Variants in NREP observed in about 807,000 individuals in gnomAD.
NREP encodes the protein neuronal regeneration related protein, also known as neuronal regeneration-related protein.
NREP carries 5 observed loss-of-function variants against 8.6 expected under a neutral mutation model. The observed-to-expected ratio is 0.58, with a 90% CI of 0.30 to 1.22. NREP has a LOEUF of 1.22. NREP is among the 50% of genes most tolerant of loss of function. The pLI is 0.07. For missense variants in NREP, 86 were observed against 82.5 expected (o/e 1.04, Z -0.17); for synonymous variants, 27 against 28.0 (o/e 0.96, Z 0.11).
At chr5:111,818,337 C>T (rs1752439767) in intron 2 of NREP, among the ~76,000 whole-genome samples, 1 of 152,102 alleles carries the variant, frequency 6.6e-6, no homozygotes, top group African/African-American at 2.4e-5. Flanking sequence ...CAAAAAGAAA[C>T]TTTAAAAAAT....
chr5:111,745,362 ATTAAG>A (rs1443001674), intron 2 of NREP, among the ~76,000 whole-genome samples: 1 of 152,220 alleles, frequency 6.6e-6, no homozygotes, highest in African/African-American at 2.4e-5. Context: ...GCTTGGCCAC[ATTAAG>A]ACTTTGGATC....
intron 2 of NREP, among the ~76,000 whole-genome samples, chr5:111,913,132 A>AT (rs141782043): frequency 0.01 from 1,597 of 152,162 alleles, 28 homozygotes; most frequent in African/African-American, 0.037. Context: ...GTTAGTATCC[A>AT]TTTTTTACAG....
At chr5:111,873,146 G>T (rs2112499558) in intron 2 of NREP, among the ~76,000 whole-genome samples, 1 of 152,254 alleles carries the variant, frequency 6.6e-6, no homozygotes, top group African/African-American at 2.4e-5. Flanking sequence ...TTATCATAAT[G>T]CCTGCCTTGC....
chr5:111,807,558 A>T (rs949434402), intron 2 of NREP, among the ~76,000 whole-genome samples: 3 of 152,256 alleles, frequency 2.0e-5, no homozygotes, highest in African/African-American at 7.2e-5. Flanking sequence ...TTTTAAAGAC[A>T]ATTTTTAGAA....
chr5:111,789,220 T>C (rs180972410), intron 2 of NREP, among the ~76,000 whole-genome samples: 19 of 152,358 alleles, frequency 1.2e-4, no homozygotes, highest in Non-Finnish European at 2.2e-4. Context: ...TCTGTTTCTC[T>C]AGGGAAGCAT....
chr5:111,759,706 A>G (rs955210550), upstream of NREP, among the ~76,000 whole-genome samples: 2 of 152,176 alleles, frequency 1.3e-5, no homozygotes, highest in African/African-American at 4.8e-5. Flanking sequence ...CCTCTAGGTG[A>G]AGGGGGCTGT....
At chr5:111,967,883 AT>A (rs530328758) in intron 2 of NREP, among the ~76,000 whole-genome samples, 24 of 152,330 alleles carry the variant, frequency 1.6e-4, no homozygotes, top group South Asian at 1.0e-3. Context: ...GTAAAGAATA[AT>A]TCATGAAAAG....
intron 2 of NREP, among the ~76,000 whole-genome samples, chr5:111,766,900 C>T (rs1302888241): frequency 6.6e-6 from 1 of 152,234 alleles, no homozygotes; most frequent in Non-Finnish European, 1.5e-5. Flanking sequence ...GGTAATTCTT[C>T]ATTGGTTGCT....
intron 2 of NREP, among the ~76,000 whole-genome samples, chr5:111,748,754 A>C (rs949282313): frequency 6.6e-6 from 1 of 152,166 alleles, no homozygotes; most frequent in African/African-American, 2.4e-5. Flanking sequence ...CTGGTAGAGG[A>C]AATGGAAAAA....
intron 2 of NREP, among the ~76,000 whole-genome samples, chr5:111,837,145 T>C (rs1486682815): frequency 2.6e-5 from 4 of 152,144 alleles, no homozygotes; most frequent in African/African-American, 9.6e-5. Context: ...ATTTAGATAC[T>C]ATTACAGTGA....
chr5:111,963,550 G>A lies in NREP; in HGVS notation c.135+11724C>T, dbSNP rs1485552528. 2.0e-5 allele frequency among the ~76,000 whole-genome samples: 3 copies of A among 152,220 alleles called. No individual in the cohort carries two copies. The East Asian group carries it at 5.8e-4, about 29-fold the overall frequency. ...AAACTTCTCCCTGAAACCCTGCCCAGAGATGTATTTCAGGGCTTTCTACTA... is the reference window on the plus strand; with the variant it reads ...AAACTTCTCCCTGAAACCCTGCCCAAAGATGTATTTCAGGGCTTTCTACTA... On this transcript the variant is annotated intron_variant, in intron 2 of 3. Transcript: ENST00000395634.
chr5:111,800,070 C>T (rs1313209854), intron 2 of NREP, among the ~76,000 whole-genome samples: 1 of 149,884 alleles, frequency 6.7e-6, no homozygotes, highest in Non-Finnish European at 1.5e-5. Flanking sequence ...TAGGTGCCCA[C>T]CACCACGCCA....
intron 2 of NREP, among the ~76,000 whole-genome samples, chr5:111,788,430 T>C (rs1751665263): frequency 6.6e-6 from 1 of 152,182 alleles, no homozygotes; most frequent in Non-Finnish European, 1.5e-5. Context: ...AACTGAGCTG[T>C]GTCTCTGCTG....
chr5:111,790,247 A>C (rs1306629288), intron 2 of NREP, among the ~76,000 whole-genome samples: 2 of 151,970 alleles, frequency 1.3e-5, no homozygotes, highest in Non-Finnish European at 2.9e-5. Context: ...AGGACATCCT[A>C]AATACATGAA....
At chr5:111,858,517 G>A (rs1483740719) in intron 2 of NREP, among the ~76,000 whole-genome samples, 2 of 152,074 alleles carry the variant, frequency 1.3e-5, no homozygotes, top group Non-Finnish European at 2.9e-5. Context: ...GCAAACATAA[G>A]AATTTAGCCT....
At chr5:111,738,305 C>G (rs1309249937) in intron 2 of NREP, 1 of 152,180 alleles carries the variant, frequency 6.6e-6, no homozygotes. Context: ...ATGATTCAGA[C>G]CTGACCTTTG....
intron 2 of NREP, among the ~76,000 whole-genome samples, chr5:111,965,371 C>T (rs1312586603): frequency 1.3e-5 from 2 of 152,098 alleles, no homozygotes; most frequent in South Asian, 4.2e-4. Context: ...TCCCTGAGCA[C>T]CTAAATTATT....
chr5:111,798,734 G>GGTGTGTGTGTGTGT (rs571252142), intron 2 of NREP, among the ~76,000 whole-genome samples: 2 of 135,584 alleles, frequency 1.5e-5, no homozygotes, highest in African/African-American at 5.6e-5. Context: ...AGTATTCCAT[G>GGTGTGTGTGTGTGT]GTGTGTGTGT....
In NREP at chr5:111,913,136, T is replaced by C. The variant is rs576634322; in HGVS notation, c.135+62138A>G. Among the ~76,000 whole-genome samples the C allele has an allele frequency of 2.6e-5, 4 of 152,230 alleles. No homozygotes were observed. In the East Asian group the frequency reaches 7.7e-4, roughly 29 times the overall value. On this transcript the variant is annotated intron_variant, in intron 2 of 3. Transcript: ENST00000395634. ...TGAAGGTAAGTGTTAGTATCCATTT[T>C]TTACAGTAAAGGCAGGATAGAAGGT...
Sources: gnomAD v4.1 joint callset for allele counts (sites outside exome capture counted in the v4.1 genomes callset) on GRCh38, gnomAD v4.1.1 for gene constraint, MANE v1.5 for transcripts, NCBI Gene and HGNC (gene_info 2026-07-23, HGNC 2026-07-21) for gene names.